CNTN5: variants seen among roughly 807,000 people sequenced by gnomAD.
CNTN5 encodes the protein contactin-5.
CNTN5 carries 77 observed loss-of-function variants against 129.1 expected under a neutral mutation model. The ratio of observed to expected loss-of-function variants is 0.60; its 90% CI spans 0.50 to 0.72. The LOEUF (loss-of-function observed/expected upper bound fraction) is 0.72, where lower values mean the gene tolerates loss of function less well. CNTN5 is among the 30% of genes least tolerant of loss of function. The probability of loss-of-function intolerance (pLI) is 0.00; values close to 1 mark genes in which losing one functional copy is unlikely to be tolerated. For synonymous variants in CNTN5, 509 were observed against 465.6 expected (o/e 1.09, Z -1.20); for missense variants, 1,478 against 1,328.8 (o/e 1.11, Z -1.75).
intron 21 of CNTN5, among the ~76,000 whole-genome samples, chr11:100,333,408 G>GAAAAAAAAAAAAAAAAAAA (rs547220238): frequency 1.3e-5 from 1 of 74,274 alleles, no homozygotes; most frequent in Non-Finnish European, 2.4e-5. Flanking sequence ...CACTGAATTA[G>GAAAAAAAAAAAAAAAAAAA]AAAAAAAAAA....
At chr11:99,856,143 G>C (rs886513301) in intron 6 of CNTN5, among the ~76,000 whole-genome samples, 1 of 152,108 alleles carries the variant, frequency 6.6e-6, no homozygotes, top group Non-Finnish European at 1.5e-5. Flanking sequence ...TCAGTTCCTA[G>C]GTGAGCTTTC....
intron 2 of CNTN5, among the ~76,000 whole-genome samples, chr11:99,410,043 G>T (rs956237619): frequency 6.6e-6 from 1 of 152,080 alleles, no homozygotes; most frequent in Admixed American, 6.6e-5. Flanking sequence ...TTTTGCCAGG[G>T]ATATGATAAT....
At chr11:99,930,768 A>C (rs1191803602) in intron 7 of CNTN5, among the ~76,000 whole-genome samples, 1 of 143,018 alleles carries the variant, frequency 7.0e-6, no homozygotes, top group East Asian at 2.1e-4. Flanking sequence ...GGATATAAAC[A>C]GTAGATAAAA....
intron 3 of CNTN5, among the ~76,000 whole-genome samples, chr11:99,816,454 A>G (rs1345713238): frequency 6.6e-6 from 1 of 152,194 alleles, no homozygotes; most frequent in African/African-American, 2.4e-5. Context: ...CTAAAACTGA[A>G]TTCATGAGCC....
chr11:100,322,473 T>C (rs909265989), intron 21 of CNTN5, among the ~76,000 whole-genome samples: 9 of 152,110 alleles, frequency 5.9e-5, no homozygotes, highest in African/African-American at 2.2e-4. Context: ...CCGGCCGTCT[T>C]GGCCTCCCAA....
At chr11:100,028,367 C>T (rs1219083498) in intron 9 of CNTN5, among the ~76,000 whole-genome samples, 3 of 152,166 alleles carry the variant, frequency 2.0e-5, no homozygotes, top group Non-Finnish European at 4.4e-5. Context: ...AAATTATCCT[C>T]TCTGAACTGC....
At chr11:99,271,058 A>G (rs1220750912) in intron 1 of CNTN5, among the ~76,000 whole-genome samples, 1 of 151,944 alleles carries the variant, frequency 6.6e-6, no homozygotes, top group Non-Finnish European at 1.5e-5. Flanking sequence ...TATTTGCTAG[A>G]TAAATGAATG....
chr11:99,449,807 A>T (rs898648942), intron 2 of CNTN5, among the ~76,000 whole-genome samples: 1 of 152,188 alleles, frequency 6.6e-6, no homozygotes, highest in African/African-American at 2.4e-5. Context: ...TAAAACCTCT[A>T]TTGGTCTACT....
At chr11:99,198,026 C>A (rs924060217) in intron 1 of CNTN5, among the ~76,000 whole-genome samples, 8 of 152,120 alleles carry the variant, frequency 5.3e-5, no homozygotes, top group South Asian at 2.1e-4. Context: ...GATGAGAATT[C>A]GCTGGTATCT....
intron 13 of CNTN5, among the ~76,000 whole-genome samples, chr11:100,181,752 T>A (rs1284917110): frequency 6.6e-6 from 1 of 152,056 alleles, no homozygotes; most frequent in Admixed American, 6.6e-5. Context: ...AATGTTCATT[T>A]ATTAAATAAA....
intron 13 of CNTN5, among the ~76,000 whole-genome samples, chr11:100,162,794 T>G (rs573113771): frequency 1.4e-3 from 208 of 151,954 alleles, no homozygotes; most frequent in African/African-American, 4.9e-3. Flanking sequence ...ATGAGATCTT[T>G]GAATATAATG....
chr11:99,945,868 C>G (rs1950543784), intron 7 of CNTN5, among the ~76,000 whole-genome samples: 1 of 152,014 alleles, frequency 6.6e-6, no homozygotes, highest in South Asian at 2.1e-4. Flanking sequence ...ATACACATTT[C>G]ATGTCACTCT....
chr11:100,089,986 C>T (rs955650346), intron 13 of CNTN5, among the ~76,000 whole-genome samples: 9 of 152,052 alleles, frequency 5.9e-5, no homozygotes, highest in African/African-American at 2.2e-4. Context: ...AGCAAACCAC[C>T]ATGGCAGACG....
chr11:99,154,874 A>C (rs1860256172), intron 1 of CNTN5, among the ~76,000 whole-genome samples: 1 of 152,116 alleles, frequency 6.6e-6, no homozygotes. Context: ...GGTCACCCTC[A>C]GGCTAAAGTC....
In CNTN5 at chr11:99,911,854, A is replaced by C. The variant is rs995753985; in HGVS notation, c.578-4200A>C. Among the ~76,000 whole-genome samples, 3 of 151,890 alleles carry C rather than the reference A, an allele frequency of 2.0e-5. No individual in the cohort carries two copies. The Admixed American group carries it at 2.0e-4, about 10-fold the overall frequency. On this transcript the variant is annotated intron_variant, in intron 6 of 24. Coordinates refer to ENST00000524871, the MANE Select transcript of CNTN5 (RefSeq NM_014361.4). ...GAAGTCTTTCAGGAGAAATCCCCTT[A>C]GGATTGGGTATATCTCTACCTTGTT...
chr11:99,393,375 G>A (rs977146868), intron 2 of CNTN5, among the ~76,000 whole-genome samples: 1 of 151,746 alleles, frequency 6.6e-6, no homozygotes, highest in Non-Finnish European at 1.5e-5. Flanking sequence ...TGATCCAGAG[G>A]TAGTTTGCAA....
intron 2 of CNTN5, among the ~76,000 whole-genome samples, chr11:99,435,655 A>C (rs1446370171): frequency 2.6e-5 from 4 of 152,222 alleles, no homozygotes; most frequent in African/African-American, 9.6e-5. Context: ...TAAGTCTTAA[A>C]TATGCCAAAT....
chr11:99,816,923 C>A (rs1278534535), intron 3 of CNTN5, among the ~76,000 whole-genome samples: 1 of 152,078 alleles, frequency 6.6e-6, no homozygotes, highest in Non-Finnish European at 1.5e-5. Flanking sequence ...TCTTTCTTTC[C>A]CTACTGAAGA....
At chr11:99,999,772 G>A (rs1162384003) in intron 8 of CNTN5, among the ~76,000 whole-genome samples, 1 of 151,968 alleles carries the variant, frequency 6.6e-6, no homozygotes, top group East Asian at 1.9e-4. Flanking sequence ...GTCCAACAAT[G>A]ATAGACTGGA....
Sources: allele counts gnomAD v4.1 joint callset (sites outside exome capture counted in the v4.1 genomes callset), GRCh38; gene constraint gnomAD v4.1.1; transcripts MANE v1.5; gene names NCBI Gene and HGNC (gene_info 2026-07-23, HGNC 2026-07-21).